The following RGS7 variants were observed in gnomAD, a reference collection of about 807,000 sequenced individuals.
The protein encoded by RGS7 is regulator of G-protein signaling 7.
Under a neutral mutation model 81.1 loss-of-function variants are expected in RGS7, and 27 were observed. That is an observed-to-expected ratio of 0.33 (90% CI 0.25 to 0.46). RGS7 has a LOEUF of 0.46. Among genes scored for constraint, RGS7 ranks in the 20% least tolerant of loss-of-function variants. RGS7 has a pLI of 1.00. For missense variants in RGS7, 396 were observed against 607.4 expected (o/e 0.65, Z 3.66); for synonymous variants, 208 against 207.7 (o/e 1.00, Z -0.01).
intron 2 of RGS7, among the ~76,000 whole-genome samples, chr1:241,105,456 C>T (rs949439899): frequency 2.0e-5 from 3 of 152,120 alleles, no homozygotes; most frequent in South Asian, 4.1e-4. Context: ...AAACAGTTCC[C>T]GCCCGAACAC....
intron 3 of RGS7, among the ~76,000 whole-genome samples, chr1:241,096,747 T>C (rs1430701704): frequency 6.6e-6 from 1 of 152,234 alleles, no homozygotes; most frequent in East Asian, 1.9e-4. Context: ...TCAAAAATTT[T>C]AGACTCCACT....
chr1:240,932,876 C>CTTTTT lies in RGS7; in HGVS notation c.334-2113_334-2109dup, dbSNP rs36194238. Among the ~76,000 whole-genome samples, 343 of 57,356 alleles carry CTTTTT rather than the reference C, an allele frequency of 6.0e-3. 12 individuals are homozygous for CTTTTT. Among genetic ancestry groups the CTTTTT allele is most frequent in the African/African-American group, 7.4e-3 (108 of 14,656 alleles). The allele number at this position is 57,356 out of a possible 152,430, so 37.6% of individuals were successfully genotyped here. On this transcript the variant is annotated intron_variant, in intron 5 of 18. Transcript: ENST00000440928. ...GATATATTTCTACTTTGGTATCTTT[C>CTTTTT]TTTTTTTTTTTTTTTTTTTTTTTTT...
At chr1:241,091,648 G>C (rs2063892323) in intron 3 of RGS7, among the ~76,000 whole-genome samples, 1 of 152,088 alleles carries the variant, frequency 6.6e-6, no homozygotes, top group South Asian at 2.1e-4. Flanking sequence ...CACTTTGGGA[G>C]GAAGAGACAT....
At chr1:241,153,896 C>T (rs2068931064) in intron 2 of RGS7, among the ~76,000 whole-genome samples, 1 of 152,118 alleles carries the variant, frequency 6.6e-6, no homozygotes, top group Non-Finnish European at 1.5e-5. Flanking sequence ...GGAAGTATTC[C>T]AGGATACAGT....
At chr1:241,249,643 T>C (rs1302503655) in intron 2 of RGS7, among the ~76,000 whole-genome samples, 1 of 152,162 alleles carries the variant, frequency 6.6e-6, no homozygotes, top group Non-Finnish European at 1.5e-5. Flanking sequence ...AATGAATCTA[T>C]AGATCTTTTG....
chr1:241,157,913 G>GGT (rs56171503), intron 2 of RGS7, among the ~76,000 whole-genome samples: 149,109 of 149,910 alleles, frequency 0.99, 74,167 homozygotes, highest in Middle Eastern at 1. Context: ...CCACCTCCCG[G>GGT]TCACGCCATT....
intron 2 of RGS7, among the ~76,000 whole-genome samples, chr1:241,259,543 G>A (rs375446441): frequency 4.7e-5 from 7 of 150,350 alleles, no homozygotes; most frequent in Non-Finnish European, 1.0e-4. Flanking sequence ...TCAGCTACTC[G>A]GGAGGCTAAG....
intron 5 of RGS7, among the ~76,000 whole-genome samples, chr1:240,933,102 T>C (rs1180752527): frequency 1.1e-4 from 17 of 150,972 alleles, no homozygotes; most frequent in Middle Eastern, 3.4e-3. Flanking sequence ...CAGGATGGTC[T>C]CCATCTCCTG....
intron 6 of RGS7, among the ~76,000 whole-genome samples, chr1:240,887,226 G>GT (rs71297739): frequency 0.3 from 22,862 of 76,022 alleles, 2,550 homozygotes; most frequent in South Asian, 0.4. Context: ...GAGTATATAG[G>GT]TTTTTTTTTT....
chr1:241,276,125 G>A (rs1047205755), intron 2 of RGS7, among the ~76,000 whole-genome samples: 3 of 152,174 alleles, frequency 2.0e-5, no homozygotes, highest in African/African-American at 7.2e-5. Context: ...TAACGTTTGT[G>A]TTGGTAGTGG....
intron 6 of RGS7, among the ~76,000 whole-genome samples, chr1:240,915,033 T>G (rs1180277103): frequency 6.6e-6 from 1 of 152,170 alleles, no homozygotes; most frequent in Admixed American, 6.6e-5. Context: ...TACCACACAT[T>G]TGTGACTTTT....
chr1:241,156,189 C>CAT (rs2069136728), intron 2 of RGS7, among the ~76,000 whole-genome samples: 1 of 150,388 alleles, frequency 6.6e-6, no homozygotes, highest in African/African-American at 2.5e-5. Context: ...CATAGACAGA[C>CAT]AGACAGAAAG....
At chr1:241,004,727 TC>T (rs1228554908) in intron 3 of RGS7, among the ~76,000 whole-genome samples, 1 of 152,240 alleles carries the variant, frequency 6.6e-6, no homozygotes, top group Non-Finnish European at 1.5e-5. Flanking sequence ...TTCTGGCCTC[TC>T]TGAGCAGCAT....
At chr1:240,920,794 T>C (rs1477419581) in intron 6 of RGS7, among the ~76,000 whole-genome samples, 1 of 152,212 alleles carries the variant, frequency 6.6e-6, no homozygotes, top group East Asian at 1.9e-4. Flanking sequence ...TATTTGTGAC[T>C]AATTGTATGA....
At chr1:241,338,763 T>C (rs913401513) in intron 2 of RGS7, among the ~76,000 whole-genome samples, 2 of 150,678 alleles carry the variant, frequency 1.3e-5, no homozygotes, top group African/African-American at 4.9e-5. Flanking sequence ...TATATATGTA[T>C]ACTGGAAATT....
intron 2 of RGS7, among the ~76,000 whole-genome samples, chr1:241,266,815 A>T (rs1033451916): frequency 3.6e-5 from 4 of 110,310 alleles, no homozygotes; most frequent in African/African-American, 1.4e-4. Flanking sequence ...ACAGAGTGTA[A>T]ATTTTCCTTT....
chr1:240,896,821 A>G (rs1223255618), intron 6 of RGS7, among the ~76,000 whole-genome samples: 1 of 152,224 alleles, frequency 6.6e-6, no homozygotes, highest in African/African-American at 2.4e-5. Context: ...TTCTGTGAAG[A>G]AAGTCATTGG....
intron 4 of RGS7, among the ~76,000 whole-genome samples, chr1:240,982,363 A>G (rs1033871728): frequency 1.4e-5 from 2 of 144,688 alleles, no homozygotes; most frequent in Admixed American, 7.4e-5. Context: ...CAGAGGTTGC[A>G]GTGAGCCGAG....
At position 240,997,271 on chromosome 1, in the gene RGS7, G is replaced by A. The variant is rs557509241; in HGVS notation, c.176-14142C>T. On this transcript the variant is annotated intron_variant, in intron 3 of 18. Transcript: ENST00000440928. ...AGTATGATTACAGGTGTCAGCCACC[G>A]CACCTAGCTCTAAATATTTTTGAAT... Among the ~76,000 whole-genome samples, 21 of 152,120 alleles carry A rather than the reference G, an allele frequency of 1.4e-4. No individual in the cohort carries two copies. In the East Asian group the frequency reaches 1.5e-3, roughly 11 times the overall value.
Sources: allele counts gnomAD v4.1 joint callset (sites outside exome capture counted in the v4.1 genomes callset), GRCh38; gene constraint gnomAD v4.1.1; transcripts MANE v1.5; gene names NCBI Gene and HGNC (gene_info 2026-07-23, HGNC 2026-07-21).